Variants in PSD4 observed in about 807,000 individuals in gnomAD.
The protein encoded by PSD4 is PH and SEC7 domain-containing protein 4.
In PSD4, 59 loss-of-function variants were observed where a neutral mutation model predicts 112.5. The observed-to-expected ratio is 0.52, with a 90% CI of 0.43 to 0.65. The LOEUF is 0.65. PSD4 is among the 30% of genes least tolerant of loss of function. The pLI is 0.00. For missense variants in PSD4, 1,267 were observed against 1,352.6 expected, an observed-to-expected ratio of 0.94 and a Z score of 0.99; for synonymous variants, 533 against 540.0, an observed-to-expected ratio of 0.99 and a Z score of 0.18.
At chr2:113,185,724 T>A in intron 4 of PSD4, 153 bp from the exon 5 acceptor site, 1 of 1,549,440 alleles carries the variant, frequency 6.5e-7, no homozygotes, top group South Asian at 1.2e-5. Context: ...GTCTGCTGCC[T>A]CTGCAAGTGG....
intron 16 of PSD4, 49 bp from the exon 17 acceptor site, chr2:113,201,109 C>A: frequency 6.4e-7 from 1 of 1,558,044 alleles, no homozygotes; most frequent in Non-Finnish European, 8.7e-7. Context: ...AGCCTCCTCC[C>A]AACCTGGAGC....
Position 113,208,962 on chromosome 2 carries a change from C to T in PSD4, c.*7547C>T, listed in dbSNP as rs1688903878. On this transcript the variant is annotated 3_prime_UTR_variant, in exon 17 of 17. Transcript: ENST00000245796. The stretch of plus-strand genomic sequence containing the variant: ...ACTGAGCAGAGGCTGAGGGTGACCA[C>T]CTTGGATCTTCCTGCAGGACACAGC... The T allele has an allele frequency of 6.6e-6, 1 of 152,208 alleles. No homozygotes were observed. Among genetic ancestry groups the T allele is most frequent in the African/African-American group, 2.4e-5 (1 of 41,430 alleles). The allele number at this position is 152,208 out of a possible 1,614,324, so 9.4% of individuals were successfully genotyped here.
chr2:113,193,855 A>G lies in PSD4; in HGVS notation c.2092-4A>G, dbSNP rs1402491264. On this transcript the variant is annotated splice_polypyrimidine_tract_variant and splice_region_variant and intron_variant, in intron 9 of 16. Coordinates refer to ENST00000245796, the MANE Select transcript of PSD4 (RefSeq NM_012455.3). ...CGAGTCATCCCACTTCTCCGTGGCT[A>G]CAGAACATTGGGAAGAGCATGAGCT... is the stretch of plus-strand genomic sequence containing the variant. The G allele has an allele frequency of 9.3e-6, 15 of 1,613,950 alleles. No individual in the cohort carries two copies. The highest frequency in any genetic ancestry group is 1.7e-5 in the Admixed American group (1 of 60,012).
rs1688780224 is a variant in PSD4, at chr2:113,201,566, C to CA, written c.*152dup. On this transcript the variant is annotated 3_prime_UTR_variant, in exon 17 of 17. Coordinates refer to ENST00000245796, the MANE Select transcript of PSD4 (RefSeq NM_012455.3). ...ACAAACCTTGTTTCCCTGTGGCCCT[C>CA]ATTCTTGTGCTCCCTGAAGCTTTCC... is the stretch of plus-strand genomic sequence containing the variant. The CA allele has an allele frequency of 1.8e-6, 2 of 1,100,370 alleles. No individual in the cohort carries two copies. The highest frequency in any genetic ancestry group is 5.1e-5 in the East Asian group (2 of 39,560). 68.2% of individuals were successfully genotyped at this position (1,100,370 alleles called of 1,614,324 possible).
intron 2 of PSD4, among the ~76,000 whole-genome samples, chr2:113,184,377 C>A (rs977899004): frequency 8.0e-6 from 1 of 125,758 alleles, no homozygotes; most frequent in Non-Finnish European, 1.6e-5. Flanking sequence ...TCAGGACTTT[C>A]TTTTTTTTTT....
At chr2:113,198,912 C>CG in intron 15 of PSD4, 28 bp downstream of exon 15, 1 of 1,551,942 alleles carries the variant, frequency 6.4e-7, no homozygotes, top group Non-Finnish European at 8.7e-7. Context: ...GGGTGGGGTC[C>CG]GGCGGAACTG....
chr2:113,189,297 T>C (rs889444478), intron 5 of PSD4, among the ~76,000 whole-genome samples: 2 of 150,814 alleles, frequency 1.3e-5, no homozygotes, highest in African/African-American at 2.4e-5. Context: ...CAATAATATA[T>C]ATGCATATTC....
In PSD4 at chr2:113,193,634, C is replaced by T. The variant is rs750801164; in HGVS notation, c.2075C>T (p.Thr692Met). Residue 692 changes from threonine to methionine, a missense_variant, in exon 9 of 17, where the codon ACG becomes ATG. Coordinates refer to ENST00000245796, the MANE Select transcript of PSD4 (RefSeq NM_012455.3). The part of the protein sequence containing the change: ...TLTCAIMLLN[T>M]DLHGQNIGKS... ...ACATGTGCAATCATGCTGCTTAACACGGACCTGCATGGACAGGTAAGACGG... is the reference window on the plus strand; with the variant it reads ...ACATGTGCAATCATGCTGCTTAACATGGACCTGCATGGACAGGTAAGACGG... The T allele has an allele frequency of 5.0e-6, 8 of 1,613,584 alleles. No homozygotes were observed. Among genetic ancestry groups the T allele is most frequent in the East Asian group, 4.5e-5 (2 of 44,862 alleles).
Position 113,192,399 on chromosome 2 carries a change from A to G in PSD4, c.1648A>G (p.Met550Val), listed in dbSNP as rs1032587615. The G allele has an allele frequency of 1.2e-6, 2 of 1,614,200 alleles. No individual in the cohort carries two copies. The highest frequency in any genetic ancestry group is 1.7e-6 in the Non-Finnish European group (2 of 1,180,016). The part of the protein sequence containing the change: ...SAEHENLRTP[M>V]NSSWLPGSPM... ...CTCAAGTGAGAATCTGAGGACACCG[A>G]TGAACTCTTCTTGGCTTCCTGGGAG... Residue 550 changes from methionine to valine, a missense_variant, in exon 6 of 17, where the codon ATG becomes GTG. This residue lies in a region of PSD4 where 723 missense variants were observed against 704.0 expected (regional missense o/e 1.03). Coordinates refer to ENST00000245796, the MANE Select transcript of PSD4 (RefSeq NM_012455.3).
At chr2:113,180,786 C>T (rs1293797442) in intron 1 of PSD4, among the ~76,000 whole-genome samples, 2 of 152,100 alleles carry the variant, frequency 1.3e-5, no homozygotes, top group African/African-American at 4.8e-5. Flanking sequence ...GGAAGTCACA[C>T]GTGGTTATAA....
chr2:113,192,775 C>A (rs1009742116), intron 6 of PSD4, among the ~76,000 whole-genome samples, 186 bp downstream of exon 6: 2 of 152,194 alleles, frequency 1.3e-5, no homozygotes, highest in African/African-American at 2.4e-5. Context: ...GGTCCTCATG[C>A]TCTCCACACC....
chr2:113,174,900 C>A (rs1404782402), intron 1 of PSD4, among the ~76,000 whole-genome samples: 1 of 152,148 alleles, frequency 6.6e-6, no homozygotes, highest in African/African-American at 2.4e-5. Flanking sequence ...GAAGGGTGGC[C>A]TGTCATTAGC....
rs1443193066 is a variant in PSD4, at chr2:113,185,877, A to G, written c.1250A>G (p.Asp417Gly). Residue 417 changes from aspartate to glycine, a missense_variant and splice_region_variant, in exon 5 of 17, where the codon GAT (aspartate) becomes GGT (glycine). This residue lies in a region of PSD4 where 723 missense variants were observed against 704.0 expected (regional missense o/e 1.03). Coordinates refer to ENST00000245796, the MANE Select transcript of PSD4 (RefSeq NM_012455.3). ...PQVTLNSQDRDEREGGHPQES... is the reference protein window; with the variant it reads ...PQVTLNSQDRGEREGGHPQES... ...CGCCTCACTTCATGTTCTTCCTCAGATGAGAGGGAGGGTGGACACCCCCAG... is the reference window on the plus strand; with the variant it reads ...CGCCTCACTTCATGTTCTTCCTCAGGTGAGAGGGAGGGTGGACACCCCCAG... The G allele has an allele frequency of 1.2e-6, 2 of 1,609,246 alleles. No homozygotes were observed. Among genetic ancestry groups the G allele is most frequent in the Non-Finnish European group, 8.5e-7 (1 of 1,177,880 alleles).
chr2:113,174,255 G>C (rs1013294896), intron 1 of PSD4, among the ~76,000 whole-genome samples: 1 of 151,884 alleles, frequency 6.6e-6, no homozygotes, highest in African/African-American at 2.4e-5. Flanking sequence ...TCTGTGTCCC[G>C]TCCCCCTCCT....
chr2:113,185,354 T>G lies in PSD4; in HGVS notation c.1174-11T>G. 1.2e-6 allele frequency: 2 copies of G among 1,614,036 alleles called. No individual in the cohort carries two copies. The highest frequency in any genetic ancestry group is 1.7e-6 in the Non-Finnish European group (2 of 1,179,984). On this transcript the variant is annotated splice_polypyrimidine_tract_variant and intron_variant, in intron 3 of 16. Transcript: ENST00000245796. ...CAGGGCTCATGGGAATGCCTTTGCC[T>G]CTCTCAACAGGCCTCTCTCAGCCCT... is the stretch of plus-strand genomic sequence containing the variant.
chr2:113,198,003 C>T, intron 14 of PSD4, 90 bp downstream of exon 14: 1 of 1,364,762 alleles, frequency 7.3e-7, no homozygotes, highest in Non-Finnish European at 9.7e-7. Context: ...GGCTTGTGGG[C>T]CCCAGGGGGT....
rs200058188 is a variant in PSD4 at position 113,183,044 on chromosome 2, C to T, written c.588C>T (p.Pro196=). Residue 196 remains proline, a synonymous_variant, in exon 2 of 17, where the codon CCC becomes CCT. Coordinates refer to ENST00000245796, the MANE Select transcript of PSD4 (RefSeq NM_012455.3). ...TCCCCACGCCCCCTGTGGACCTCCC[C>T]GGGGACACGGGCCTGCACTCCAGCC... ...CCLPTPPVDL[P]GDTGLHSSPP... is the part of the protein sequence containing the mutation. The T allele has an allele frequency of 3.6e-5, 58 of 1,613,422 alleles. No homozygotes were observed. Among genetic ancestry groups the T allele is most frequent in the African/African-American group, 2.0e-4 (15 of 75,016 alleles).
intron 13 of PSD4, 22 bp downstream of exon 13, chr2:113,197,656 C>T (rs45449699): frequency 0.13 from 216,450 of 1,613,932 alleles, 15,675 homozygotes; most frequent in African/African-American, 0.18. Flanking sequence ...GCCAACACCC[C>T]TGTCAGAATG....
In PSD4 at chr2:113,183,062, C is replaced by G. The variant is rs761366546; in HGVS notation, c.606C>G (p.His202Gln). ...PVDLPGDTGL[H>Q]SSPPENEDSG... ...ACCTCCCCGGGGACACGGGCCTGCACTCCAGCCCACCTGAGAATGAAGACT... is the reference window on the plus strand; with the variant it reads ...ACCTCCCCGGGGACACGGGCCTGCAGTCCAGCCCACCTGAGAATGAAGACT... The change falls in exon 2 of 17, where the codon CAC becomes CAG. Residue 202 changes from histidine to glutamine, a missense_variant. By Grantham distance (24) the His-to-Gln change is conservative. Coordinates refer to ENST00000245796, the MANE Select transcript of PSD4 (RefSeq NM_012455.3). The G allele has an allele frequency of 1.2e-5, 19 of 1,612,806 alleles. No homozygotes were observed. In the East Asian group the frequency reaches 4.2e-4, roughly 36 times the overall value.
Sources: gnomAD v4.1 joint callset for allele counts (sites outside exome capture counted in the v4.1 genomes callset) on GRCh38, gnomAD v4.1.1 for gene constraint, gnomAD v4.1.1 regional missense constraint, MANE v1.5 for transcripts, NCBI Gene and HGNC (gene_info 2026-07-23, HGNC 2026-07-21) for gene names.